The following TTC28 variants were observed in gnomAD, a reference collection of about 807,000 sequenced individuals.
TTC28 encodes the protein tetratricopeptide repeat domain 28.
TTC28 carries 61 observed loss-of-function variants against 198.0 expected under a neutral mutation model. The observed-to-expected ratio is 0.31, with a 90% CI of 0.25 to 0.38. The LOEUF is 0.38. Among genes scored for constraint, TTC28 ranks in the 10% least tolerant of loss-of-function variants. The probability of loss-of-function intolerance (pLI) is 1.00; values close to 1 mark genes in which losing one functional copy is unlikely to be tolerated. For synonymous variants in TTC28, 1,171 were observed against 1,297.8 expected, an observed-to-expected ratio of 0.90 and a Z score of 2.10; for missense variants, 2,678 against 3,164.0, an observed-to-expected ratio of 0.85 and a Z score of 3.69.
chr22:28,577,539 G>A (rs1461947499), intron 2 of TTC28, among the ~76,000 whole-genome samples: 2 of 152,100 alleles, frequency 1.3e-5, no homozygotes, highest in African/African-American at 4.8e-5. Context: ...CTGTCTGGAT[G>A]ATCTGTCCAA....
intron 6 of TTC28, among the ~76,000 whole-genome samples, chr22:28,125,895 C>CAA (rs1171120470): frequency 6.6e-6 from 1 of 152,026 alleles, no homozygotes; most frequent in East Asian, 1.9e-4. Context: ...TCTTATGAGG[C>CAA]ATCTGCATAA....
rs1425510701 is a variant in TTC28 at position 28,101,226 on chromosome 22, T to C, written c.3362A>G (p.His1121Arg). 2.2e-5 allele frequency: 34 copies of C among 1,551,716 alleles called. No homozygotes were observed. The highest frequency in any genetic ancestry group is 2.7e-5 in the Non-Finnish European group (31 of 1,147,010). ...AGCCCAAAGGGAGAGGCCAAGGCCATGGCGAATTTTTGCCTCATCTTCTCT... is the reference window on the plus strand; with the variant it reads ...AGCCCAAAGGGAGAGGCCAAGGCCACGGCGAATTTTTGCCTCATCTTCTCT... ...GRREDEAKIRHGLGLSLWASG... is the reference protein window; with the variant it reads ...GRREDEAKIRRGLGLSLWASG... Residue 1121 changes from histidine to arginine, a missense_variant, in exon 9 of 23, where the codon CAT (histidine) becomes CGT (arginine). Transcript: ENST00000397906.
intron 5 of TTC28, among the ~76,000 whole-genome samples, chr22:28,257,420 G>C (rs1280831463): frequency 6.6e-6 from 1 of 152,004 alleles, no homozygotes; most frequent in Non-Finnish European, 1.5e-5. Context: ...ATATTATTCA[G>C]CCATAAAAAG....
intron 5 of TTC28, among the ~76,000 whole-genome samples, chr22:28,195,833 A>C (rs953168222): frequency 6.6e-6 from 1 of 150,412 alleles, no homozygotes; most frequent in Non-Finnish European, 1.5e-5. Flanking sequence ...GATAGGAAGA[A>C]TCAATATCAT....
Position 28,105,750 on chromosome 22 carries a change from C to T in TTC28, c.2836G>A (p.Val946Ile). Residue 946 changes from valine (V) to isoleucine (I), a missense_variant, in exon 8 of 23, where the codon GTT (valine) becomes ATT (isoleucine). By Grantham distance (29) the Val-to-Ile change is conservative. Around this residue, in one of 8 missense-constraint regions of TTC28, gnomAD observed 6 missense variants for 25.8 expected, o/e 0.23. Transcript: ENST00000397906. Reference protein sequence around the residue: ...ALVCFEKRLVVAHELGEAFNK... With the variant: ...ALVCFEKRLVIAHELGEAFNK... Reference sequence around the variant, plus strand: ...AAGGCCTCTCCAAGTTCATGAGCAACCACGAGCCTCTTTTCAAAGCACACA... The same window carrying T: ...AAGGCCTCTCCAAGTTCATGAGCAATCACGAGCCTCTTTTCAAAGCACACA... 1 of 1,551,704 alleles carries T rather than the reference C, an allele frequency of 6.4e-7. No homozygotes were observed. Among genetic ancestry groups the T allele is most frequent in the Non-Finnish European group, 8.7e-7 (1 of 1,146,998 alleles).
intron 2 of TTC28, among the ~76,000 whole-genome samples, chr22:28,440,307 G>A (rs1455626098): frequency 6.6e-6 from 1 of 152,100 alleles, no homozygotes; most frequent in Non-Finnish European, 1.5e-5. Context: ...GATTAATTTT[G>A]TTCTGACAGT....
At chr22:28,606,913 C>G (rs767567629) in intron 2 of TTC28, among the ~76,000 whole-genome samples, 2 of 152,150 alleles carry the variant, frequency 1.3e-5, no homozygotes, top group Non-Finnish European at 2.9e-5. Context: ...TGACAGGTAG[C>G]TACTCCAAAA....
intron 3 of TTC28, among the ~76,000 whole-genome samples, chr22:28,303,314 T>G (rs55846737): frequency 0.084 from 12,759 of 152,166 alleles, 632 homozygotes; most frequent in Non-Finnish European, 0.098. Flanking sequence ...AAAAAAGAAA[T>G]AGAATATGGC....
chr22:28,593,425 C>A (rs1482103446), intron 2 of TTC28, among the ~76,000 whole-genome samples: 2 of 151,888 alleles, frequency 1.3e-5, no homozygotes, highest in African/African-American at 2.4e-5. Flanking sequence ...CTCTTAGCAA[C>A]CAGATAGACA....
At chr22:28,542,361 G>A (rs1201326874) in intron 2 of TTC28, among the ~76,000 whole-genome samples, 1 of 152,090 alleles carries the variant, frequency 6.6e-6, no homozygotes, top group Non-Finnish European at 1.5e-5. Context: ...CACAGAAGGT[G>A]AGGAAGGAGG....
intron 5 of TTC28, among the ~76,000 whole-genome samples, chr22:28,188,578 C>T (rs1216088545): frequency 6.6e-6 from 1 of 152,192 alleles, no homozygotes; most frequent in African/African-American, 2.4e-5. Flanking sequence ...TGGGGGCCTA[C>T]TGTCTGGAGA....
rs1489775068 is a variant in TTC28, at chr22:28,107,191, T to A, written c.2654A>T (p.Asp885Val). Reference sequence around the variant, plus strand: ...ATAGTCACCCAGGGCTTCGTAGCAATCCCCCAGGTTGCCATAGGCCCGGCC... The same window carrying A: ...ATAGTCACCCAGGGCTTCGTAGCAAACCCCCAGGTTGCCATAGGCCCGGCC... ...DRGRAYGNLG[D>V]CYEALGDYEE... The change falls in exon 7 of 23, where the codon GAT (aspartate) becomes GTT (valine). Residue 885 changes from aspartate to valine, a missense_variant. By Grantham distance (152) the Asp-to-Val change is radical. This residue lies in a region of TTC28 where 775 missense variants were observed against 845.9 expected (regional missense o/e 0.92). Coordinates refer to ENST00000397906, the MANE Select transcript of TTC28 (RefSeq NM_001145418.2). The A allele has an allele frequency of 1.9e-6, 3 of 1,551,690 alleles. No individual in the cohort carries two copies. The highest frequency in any genetic ancestry group is 2.0e-5 in the Admixed American group (1 of 51,000).
At chr22:28,638,228 C>T (rs1380775915) in intron 1 of TTC28, among the ~76,000 whole-genome samples, 1 of 151,912 alleles carries the variant, frequency 6.6e-6, no homozygotes, top group Non-Finnish European at 1.5e-5. Context: ...ACAGAACATG[C>T]CATCCAACAG....
Position 28,561,947 on chromosome 22 carries a change from A to T in TTC28, c.381+67605T>A, listed in dbSNP as rs147236246. 5.0e-3 allele frequency among the ~76,000 whole-genome samples: 760 copies of T among 152,306 alleles called. 11 individuals are homozygous for T. The highest frequency in any genetic ancestry group is 0.017 in the African/African-American group (716 of 41,564). ...GTATGTTGGCCCTGACAAAATACAT[A>T]TTCCTTGAAGGCAGTGACTATGTCT... On this transcript the variant is annotated intron_variant, in intron 2 of 22. Transcript: ENST00000397906.
intron 1 of TTC28, among the ~76,000 whole-genome samples, chr22:28,678,573 A>C (rs758621349): frequency 2.6e-5 from 4 of 152,234 alleles, no homozygotes; most frequent in Non-Finnish European, 5.9e-5. Flanking sequence ...TGCCTAAAAC[A>C]TACTGAAAAC....
At chr22:28,330,336 A>C (rs1324264529) in intron 2 of TTC28, among the ~76,000 whole-genome samples, 1 of 152,220 alleles carries the variant, frequency 6.6e-6, no homozygotes, top group African/African-American at 2.4e-5. Context: ...GGTCTTGGTA[A>C]TGCTGCACAA....
intron 2 of TTC28, among the ~76,000 whole-genome samples, chr22:28,451,955 T>G (rs1436849853): frequency 6.6e-6 from 1 of 152,172 alleles, no homozygotes; most frequent in African/African-American, 2.4e-5. Flanking sequence ...GCTTTGAAGT[T>G]ATTAACTTTC....
At chr22:27,998,330 T>C in intron 16 of TTC28, 1 of 803,626 alleles carries the variant, frequency 1.2e-6, no homozygotes, top group Non-Finnish European at 1.9e-6. Flanking sequence ...CAAATGGTTC[T>C]GTTGCTCCCT....
chr22:28,018,765 A>T (rs1039214841), intron 13 of TTC28, among the ~76,000 whole-genome samples: 9 of 152,096 alleles, frequency 5.9e-5, no homozygotes, highest in African/African-American at 2.2e-4. Context: ...GGGTCCCTTG[A>T]ACCCTGGGAG....
Sources: gnomAD v4.1 joint callset for allele counts (sites outside exome capture counted in the v4.1 genomes callset) on GRCh38, gnomAD v4.1.1 for gene constraint, gnomAD v4.1.1 regional missense constraint, MANE v1.5 for transcripts, NCBI Gene and HGNC (gene_info 2026-07-23, HGNC 2026-07-21) for gene names.